Variants in UPF2 observed in about 807,000 individuals in gnomAD.
The protein encoded by UPF2 is regulator of nonsense transcripts 2.
Under a neutral mutation model 141.4 loss-of-function variants are expected in UPF2, and 17 were observed. That is an observed-to-expected ratio of 0.12 (90% confidence interval 0.08 to 0.18). The LOEUF is 0.18. Ranked by LOEUF, UPF2 falls within the 10% of genes least tolerant of loss-of-function variation. The pLI, the probability that UPF2 is intolerant of heterozygous loss-of-function variation, is 1.00. For missense variants in UPF2, 1,152 were observed against 1,515.9 expected, an observed-to-expected ratio of 0.76 and a Z score of 3.99; for synonymous variants, 540 against 498.0, an observed-to-expected ratio of 1.08 and a Z score of -1.12.
chr10:11,955,542 G>A (rs1241147865), intron 13 of UPF2, 35 bp from the exon 14 acceptor site: 1 of 1,575,000 alleles, frequency 6.3e-7, no homozygotes, highest in South Asian at 1.2e-5. Flanking sequence ...TTTCATTAAA[G>A]AGGAGTAGTG....
chr10:11,995,207 G>C (rs1833846692), intron 8 of UPF2, among the ~76,000 whole-genome samples: 1 of 152,014 alleles, frequency 6.6e-6, no homozygotes, highest in Non-Finnish European at 1.5e-5. Flanking sequence ...AAAAATAAAG[G>C]ACATCCCAGA....
Position 12,042,068 on chromosome 10 carries a change from CTA to C in UPF2, c.-19+685_-19+686del, listed in dbSNP as rs1834745146. On this transcript the variant is annotated intron_variant, in intron 1 of 21. Coordinates refer to ENST00000357604, the MANE Select transcript of UPF2 (RefSeq NM_015542.4). This position sits in a 1 kb window ranked among gnomAD's most constrained non-coding sequence, Gnocchi z 5.5. ...AAGGTAAAGTGAAGAATCAACCAGC[CTA>C]TGTGATTAAAAGGAAGTCAACCAAA... 6.6e-6 allele frequency among the ~76,000 whole-genome samples: 1 copy of C among 152,104 alleles called. No homozygotes were observed. The highest frequency in any genetic ancestry group is 2.1e-4 in the South Asian group (1 of 4,830).
At position 11,979,276 on chromosome 10, in the gene UPF2, T is replaced by G; in HGVS notation, c.1845-111A>C. The G allele has an allele frequency of 1.4e-6, 1 of 702,290 alleles. No homozygotes were observed. Among genetic ancestry groups the G allele is most frequent in the East Asian group, 2.7e-5 (1 of 36,434 alleles). The allele number at this position is 702,290 out of a possible 1,614,324, so 43.5% of individuals were successfully genotyped here. A position where few individuals can be genotyped will look rare whatever the true frequency, so the allele number is the denominator to read the frequency against. On this transcript the variant is annotated intron_variant, in intron 8 of 21. Coordinates refer to ENST00000357604, the MANE Select transcript of UPF2 (RefSeq NM_015542.4). This position sits in a 1 kb window ranked among gnomAD's most constrained non-coding sequence, Gnocchi z 6.2. ...ACACATTAAATGATCTTAAAACTCA[T>G]AATCATACAGACATGCCTATTTATT...
At chr10:11,987,021 T>C (rs1406709990) in intron 8 of UPF2, among the ~76,000 whole-genome samples, 1 of 152,224 alleles carries the variant, frequency 6.6e-6, no homozygotes, top group Non-Finnish European at 1.5e-5. Context: ...ACCAAGTGCA[T>C]CTATACTTTA....
intron 8 of UPF2, among the ~76,000 whole-genome samples, chr10:11,983,083 A>G (rs1483082373): frequency 2.0e-5 from 3 of 152,212 alleles, no homozygotes; most frequent in Non-Finnish European, 2.9e-5. Flanking sequence ...CAGGTGCTCA[A>G]TATATACATT....
At position 11,935,146 on chromosome 10, in the gene UPF2, T is replaced by C. The variant is rs563953541; in HGVS notation, c.3546+1399A>G. ...ATTGTAGGGTCTTCCCTGATCATCC[T>C]ACCTAAGAGGCAGCCTCCCTCTCCT... On this transcript the variant is annotated intron_variant, in intron 19 of 21. Coordinates refer to ENST00000357604, the MANE Select transcript of UPF2 (RefSeq NM_015542.4). The surrounding 1 kb of genome is among the most constrained non-coding windows in gnomAD (Gnocchi z 4.9). 1.9e-4 allele frequency among the ~76,000 whole-genome samples: 29 copies of C among 151,828 alleles called. No homozygotes were observed. Among genetic ancestry groups the C allele is most frequent in the Non-Finnish European group, 3.8e-4 (26 of 67,716 alleles).
chr10:11,989,446 T>C (rs1833744808), intron 8 of UPF2, among the ~76,000 whole-genome samples: 1 of 152,146 alleles, frequency 6.6e-6, no homozygotes, highest in South Asian at 2.1e-4. Context: ...TAGCAAGACC[T>C]TGTCTCTTAA....
At chr10:12,006,675 T>C (rs926859386) in intron 4 of UPF2, among the ~76,000 whole-genome samples, 1 of 152,214 alleles carries the variant, frequency 6.6e-6, no homozygotes, top group Non-Finnish European at 1.5e-5. Context: ...GAAGACAATA[T>C]TGACAATATT....
intron 21 of UPF2, among the ~76,000 whole-genome samples, chr10:11,927,354 T>C (rs927530937): frequency 1.3e-5 from 2 of 152,224 alleles, no homozygotes; most frequent in Admixed American, 6.5e-5. Flanking sequence ...AACATCAAGA[T>C]ATTATGCTGG....
In UPF2 at chr10:11,931,111, T is replaced by C. The variant is rs776143122; in HGVS notation, c.3688+530A>G. ...GCTTCCTCAAGACCAGGACTCCAAGTAGACAAAAGGAGGTAAATACAGTCG... is the reference window on the plus strand; with the variant it reads ...GCTTCCTCAAGACCAGGACTCCAAGCAGACAAAAGGAGGTAAATACAGTCG... On this transcript the variant is annotated intron_variant, in intron 20 of 21. Coordinates refer to ENST00000357604, the MANE Select transcript of UPF2 (RefSeq NM_015542.4). The surrounding 1 kb of genome is among the most constrained non-coding windows in gnomAD (Gnocchi z 5.9). Among the ~76,000 whole-genome samples the C allele has an allele frequency of 1.9e-4, 29 of 152,130 alleles. No homozygotes were observed. Among genetic ancestry groups the C allele is most frequent in the Admixed American group, 3.3e-4 (5 of 15,260 alleles).
At chr10:11,977,618 T>C (rs1054733698) in intron 9 of UPF2, among the ~76,000 whole-genome samples, 4 of 152,202 alleles carry the variant, frequency 2.6e-5, no homozygotes, top group African/African-American at 7.2e-5. Context: ...ATAACCGATA[T>C]AATAACTCAT....
chr10:12,034,828 C>T (rs1340125879), intron 2 of UPF2, among the ~76,000 whole-genome samples: 2 of 151,922 alleles, frequency 1.3e-5, no homozygotes, highest in African/African-American at 4.8e-5. Flanking sequence ...AAAAGATTAC[C>T]CAGGACCTCA....
chr10:12,030,363 G>A (rs986018525), intron 2 of UPF2, among the ~76,000 whole-genome samples: 11 of 151,826 alleles, frequency 7.2e-5, no homozygotes, highest in African/African-American at 1.2e-4. Flanking sequence ...GTGAAACCCC[G>A]TCTCTACTAA....
At chr10:12,010,379 T>C (rs1297586059) in intron 4 of UPF2, among the ~76,000 whole-genome samples, 3 of 152,316 alleles carry the variant, frequency 2.0e-5, no homozygotes, top group East Asian at 1.9e-4. Flanking sequence ...GTATTTCATA[T>C]GTTCAACAAG....
At position 11,926,512 on chromosome 10, in the gene UPF2, A is replaced by G. The variant is rs184432879; in HGVS notation, c.3809+3353T>C. 5.9e-5 allele frequency among the ~76,000 whole-genome samples: 9 copies of G among 152,340 alleles called. No homozygotes were observed. The East Asian group carries it at 1.4e-3, about 23-fold the overall frequency. On this transcript the variant is annotated intron_variant, in intron 21 of 21. Coordinates refer to ENST00000357604, the MANE Select transcript of UPF2 (RefSeq NM_015542.4). The stretch of plus-strand genomic sequence containing the variant: ...GAAAGGAGGCAGTGTCAGCAGCAGG[A>G]GCCACAGTGATCGCGGGAAGGGAAA...
At chr10:11,927,465 T>C (rs1832727081) in intron 21 of UPF2, among the ~76,000 whole-genome samples, 1 of 152,222 alleles carries the variant, frequency 6.6e-6, no homozygotes, top group South Asian at 2.1e-4. Flanking sequence ...TGGTCTCTGA[T>C]GATGAGACAG....
At chr10:12,039,962 C>T (rs117754168) in intron 1 of UPF2, among the ~76,000 whole-genome samples, 7,967 of 152,042 alleles carry the variant, frequency 0.052, 285 homozygotes, top group Non-Finnish European at 0.08. Flanking sequence ...TTAAATTTTT[C>T]AAAGAAAAGA....
chr10:11,921,419 G>A lies in UPF2; in HGVS notation c.3810-112C>T. On this transcript the variant is annotated intron_variant, in intron 21 of 21. Transcript: ENST00000357604. This position sits in a 1 kb window ranked among gnomAD's most constrained non-coding sequence, Gnocchi z 5.9. ...CACCAAGTCACTCCCCCAAGTTACA[G>A]GTGGCCCTGGCATCTGCGGGTTCCA... 7.3e-7 allele frequency: 1 copy of A among 1,378,836 alleles called. No homozygotes were observed. The highest frequency in any genetic ancestry group is 1.0e-6 in the Non-Finnish European group (1 of 978,052). 85.4% of individuals were successfully genotyped at this position (1,378,836 alleles called of 1,614,324 possible).
At chr10:12,011,017 T>C (rs901517669) in intron 4 of UPF2, among the ~76,000 whole-genome samples, 2 of 152,190 alleles carry the variant, frequency 1.3e-5, no homozygotes, top group African/African-American at 4.8e-5. Flanking sequence ...AGTCTCACTC[T>C]ATCACCCAGG....
Sources: allele counts gnomAD v4.1 joint callset (sites outside exome capture counted in the v4.1 genomes callset), GRCh38; gene constraint gnomAD v4.1.1; non-coding constraint Gnocchi (gnomAD v3.1); transcripts MANE v1.5; gene names NCBI Gene and HGNC (gene_info 2026-07-23, HGNC 2026-07-21).